Variants in SORL1 observed in about 807,000 individuals in gnomAD.
The protein encoded by SORL1 is sortilin related receptor 1.
In SORL1, 127 loss-of-function variants were observed where a neutral mutation model predicts 273.7. The observed-to-expected ratio is 0.46, with a 90% CI of 0.40 to 0.54. The LOEUF (loss-of-function observed/expected upper bound fraction) is 0.54. SORL1 is among the 20% of genes least tolerant of loss of function. SORL1 has a pLI of 0.00. For missense variants in SORL1, 2,494 were observed against 2,846.1 expected (o/e 0.88, Z 2.81); for synonymous variants, 1,031 against 1,067.4 (o/e 0.97, Z 0.66).
chr11:121,605,558 G>A lies in SORL1; in HGVS notation c.4935G>A (p.Arg1645=), dbSNP rs1265935844. The change falls in exon 35 of 48, where the codon AGG becomes AGA. Residue 1645 remains arginine (R), a synonymous_variant. Coordinates refer to ENST00000260197, the MANE Select transcript of SORL1 (RefSeq NM_003105.6). ...ACACCAATGACTTTGTGACCCTGAG[G>A]ACCCCAGAGGGATGTAAGTGTTTCA... ...AHNTNDFVTL[R]TPEGLPDAPR... is the part of the protein sequence containing the mutation. 1 of 1,613,306 alleles carries A rather than the reference G, an allele frequency of 6.2e-7. No homozygotes were observed. The highest frequency in any genetic ancestry group is 1.7e-5 in the Admixed American group (1 of 60,010).
intron 6 of SORL1, among the ~76,000 whole-genome samples, chr11:121,502,135 T>C (rs1486139510): frequency 1.2e-5 from 1 of 83,190 alleles, no homozygotes; most frequent in Non-Finnish European, 2.2e-5. Flanking sequence ...TTTTTTTTTT[T>C]TTTTTTTTTT....
chr11:121,534,977 G>A (rs529441820), intron 12 of SORL1, among the ~76,000 whole-genome samples: 3 of 152,150 alleles, frequency 2.0e-5, no homozygotes, highest in Non-Finnish European at 4.4e-5. Context: ...TCTGCAACTC[G>A]TTAGTAAGGT....
chr11:121,474,049 G>A (rs772912670), intron 2 of SORL1, among the ~76,000 whole-genome samples: 8 of 152,222 alleles, frequency 5.3e-5, no homozygotes, highest in Admixed American at 1.3e-4. Flanking sequence ...GAGGGAGGCC[G>A]ATGTCTGGCT....
intron 11 of SORL1, among the ~76,000 whole-genome samples, chr11:121,526,102 T>G (rs527948310): frequency 5.3e-5 from 8 of 152,222 alleles, no homozygotes; most frequent in Non-Finnish European, 7.3e-5. Flanking sequence ...TGTAGGAGTT[T>G]TTTTAAAAAT....
intron 18 of SORL1, 134 bp downstream of exon 18, chr11:121,555,452 G>A: frequency 8.9e-7 from 1 of 1,123,458 alleles, no homozygotes; most frequent in East Asian, 2.5e-5. Context: ...CCAGAGAATG[G>A]ACCAGCTGAG....
chr11:121,547,597 A>G (rs1862452295), intron 14 of SORL1, among the ~76,000 whole-genome samples: 1 of 151,742 alleles, frequency 6.6e-6, no homozygotes, highest in African/African-American at 2.4e-5. Context: ...ATTGTAGACC[A>G]GTAAAACCAC....
In SORL1 at chr11:121,625,115, A is replaced by G. The variant is rs924880626; in HGVS notation, c.6202A>G (p.Met2068Val). 2 of 1,613,344 alleles carry G rather than the reference A, an allele frequency of 1.2e-6. No homozygotes were observed. Among genetic ancestry groups the G allele is most frequent in the Non-Finnish European group, 1.7e-6 (2 of 1,179,500 alleles). ...GYEIHMFDSA[M>V]NITAYLGNTT... ...TGAGATACACATGTTTGATAGTGCC[A>G]TGAATATCACAGCTTACCTTGGGAA... is the stretch of plus-strand genomic sequence containing the variant. Residue 2068 changes from methionine (M) to valine (V), a missense_variant, in exon 46 of 48, where the codon ATG becomes GTG. Met to Val is a conservative substitution (Grantham distance 21). Coordinates refer to ENST00000260197, the MANE Select transcript of SORL1 (RefSeq NM_003105.6).
chr11:121,510,396 G>A (rs890377413), intron 6 of SORL1, among the ~76,000 whole-genome samples: 1 of 152,190 alleles, frequency 6.6e-6, no homozygotes, highest in Non-Finnish European at 1.5e-5. Flanking sequence ...GTGTCCTGAT[G>A]TTCTTGGGGA....
chr11:121,611,979 A>G (rs567951806), intron 39 of SORL1: 3 of 152,356 alleles, frequency 2.0e-5, no homozygotes, highest in Admixed American at 2.0e-4. Context: ...CGTCTCTACT[A>G]AAAATACAAA....
chr11:121,493,465 C>T (rs762711040), intron 5 of SORL1, among the ~76,000 whole-genome samples: 5 of 152,092 alleles, frequency 3.3e-5, no homozygotes, highest in Non-Finnish European at 5.9e-5. Context: ...CCATGTTGGC[C>T]AGGCTGGTCT....
chr11:121,462,623 C>T (rs923400447), intron 1 of SORL1, among the ~76,000 whole-genome samples: 3 of 152,310 alleles, frequency 2.0e-5, no homozygotes, highest in East Asian at 1.9e-4. Context: ...CTAGCTCTGT[C>T]GCCCAGGCTG....
At position 121,558,750 on chromosome 11, in the gene SORL1, G is replaced by A. The variant is rs891144926; in HGVS notation, c.2823G>A (p.Glu941=). The A allele has an allele frequency of 1.9e-6, 3 of 1,614,068 alleles. No homozygotes were observed. Among genetic ancestry groups the A allele is most frequent in the Non-Finnish European group, 2.5e-6 (3 of 1,180,042 alleles). Reference sequence around the variant, plus strand: ...TTTACTGGACGGATGCCTACCTGGAGTGCATAGAGCGGATCACGTTCAGTG... The same window carrying A: ...TTTACTGGACGGATGCCTACCTGGAATGCATAGAGCGGATCACGTTCAGTG... ...QWIYWTDAYL[E]CIERITFSGQ... is the part of the protein sequence containing the mutation. Residue 941 remains glutamate (E), a synonymous_variant, in exon 20 of 48, where the codon GAG becomes GAA. Transcript: ENST00000260197.
chr11:121,536,727 T>G (rs1025782225), intron 12 of SORL1, among the ~76,000 whole-genome samples: 1 of 152,054 alleles, frequency 6.6e-6, no homozygotes, highest in African/African-American at 2.4e-5. Context: ...TTTTAACTGT[T>G]AAGAAACCGA....
At chr11:121,622,949 A>T (rs1863744116) in intron 45 of SORL1, among the ~76,000 whole-genome samples, 1 of 152,236 alleles carries the variant, frequency 6.6e-6, no homozygotes, top group Non-Finnish European at 1.5e-5. Flanking sequence ...CTACCTGGAG[A>T]TGCAGCATAG....
intron 6 of SORL1, among the ~76,000 whole-genome samples, chr11:121,508,671 C>T (rs1462619871): frequency 6.6e-6 from 1 of 152,166 alleles, no homozygotes; most frequent in Non-Finnish European, 1.5e-5. Context: ...CTGTGGGTTT[C>T]CAAGGCTACC....
intron 25 of SORL1, 82 bp from the exon 26 acceptor site, chr11:121,583,376 C>T: frequency 6.8e-7 from 1 of 1,468,358 alleles, no homozygotes; most frequent in Non-Finnish European, 9.1e-7. Flanking sequence ...TCATGCAAAC[C>T]TCTTTTCAGC....
chr11:121,617,313 C>A (rs1188014776), intron 41 of SORL1, among the ~76,000 whole-genome samples: 2 of 152,180 alleles, frequency 1.3e-5, no homozygotes, highest in Non-Finnish European at 2.9e-5. Context: ...CAAGATATGA[C>A]AAAGAAACAT....
intron 1 of SORL1, among the ~76,000 whole-genome samples, chr11:121,457,663 T>C (rs1312290730): frequency 6.6e-6 from 1 of 152,212 alleles, no homozygotes; most frequent in Non-Finnish European, 1.5e-5. Flanking sequence ...CATTCTCCTT[T>C]CACTTCAAGC....
intron 8 of SORL1, 120 bp from the exon 9 acceptor site, chr11:121,520,537 A>G (rs1862024029): frequency 9.7e-6 from 6 of 619,386 alleles, no homozygotes; most frequent in Admixed American, 3.6e-5. Context: ...TAGTTGCACA[A>G]CATTGTGAAT....
Sources: allele counts gnomAD v4.1 joint callset (sites outside exome capture counted in the v4.1 genomes callset), GRCh38; gene constraint gnomAD v4.1.1; transcripts MANE v1.5; gene names NCBI Gene and HGNC (gene_info 2026-07-23, HGNC 2026-07-21).